Variants in TMX4 observed in about 807,000 individuals in gnomAD.
TMX4 encodes the protein thioredoxin related transmembrane protein 4.
A neutral mutation model predicts 33.3 loss-of-function variants in TMX4; 23 were observed. That is an observed-to-expected ratio of 0.69 (90% CI 0.50 to 0.98). The LOEUF is 0.98. Ranked by LOEUF, TMX4 falls within the 50% of genes least tolerant of loss-of-function variation. The probability of loss-of-function intolerance (pLI) is 0.00; values close to 1 mark genes in which losing one functional copy is unlikely to be tolerated. For synonymous variants in TMX4, 164 were observed against 161.5 expected (o/e 1.02, Z -0.12); for missense variants, 399 against 448.9 (o/e 0.89, Z 1.01).
intron 1 of TMX4, among the ~76,000 whole-genome samples, chr20:8,010,633 G>A (rs989999672): frequency 6.6e-6 from 1 of 151,992 alleles, no homozygotes; most frequent in Non-Finnish European, 1.5e-5. Context: ...ATCTTTGAGG[G>A]TAAGAGCTCT....
intron 6 of TMX4, among the ~76,000 whole-genome samples, chr20:7,984,971 G>T (rs1020307444): frequency 6.6e-6 from 1 of 152,016 alleles, no homozygotes; most frequent in African/African-American, 2.4e-5. Context: ...ACCCTGGCAT[G>T]CTACGTAAAT....
chr20:7,990,328 A>C (rs565098816), intron 5 of TMX4, among the ~76,000 whole-genome samples: 1 of 152,160 alleles, frequency 6.6e-6, no homozygotes, highest in South Asian at 2.1e-4. Flanking sequence ...GTTCACTGAA[A>C]ATGCACTAAA....
intron 4 of TMX4, among the ~76,000 whole-genome samples, chr20:7,997,253 T>C (rs2050680284): frequency 1.3e-5 from 2 of 152,148 alleles, no homozygotes; most frequent in Admixed American, 1.3e-4. Context: ...TCTGTAGGTT[T>C]TTTTGTGTTC....
chr20:7,998,811 T>C (rs2050688637), intron 4 of TMX4, among the ~76,000 whole-genome samples: 1 of 152,178 alleles, frequency 6.6e-6, no homozygotes, highest in African/African-American at 2.4e-5. Context: ...TTCAGAGAAA[T>C]GTCTCCTACT....
chr20:7,987,875 T>C (rs187632757), intron 5 of TMX4, among the ~76,000 whole-genome samples: 18 of 152,332 alleles, frequency 1.2e-4, no homozygotes, highest in African/African-American at 4.1e-4. Context: ...TTTCAAAGTT[T>C]GGTAAATTAC....
At chr20:8,018,485 A>AGG (rs2050792252) in intron 1 of TMX4, among the ~76,000 whole-genome samples, 2 of 19,404 alleles carry the variant, frequency 1.0e-4, no homozygotes, top group African/African-American at 1.7e-3. Flanking sequence ...GGAGGGGGAG[A>AGG]GAGAGAGAGA....
chr20:7,989,696 T>C (rs1179078673), intron 5 of TMX4, among the ~76,000 whole-genome samples: 2 of 152,244 alleles, frequency 1.3e-5, no homozygotes, highest in African/African-American at 4.8e-5. Flanking sequence ...TGTCTGAGTC[T>C]ACAACAGCTT....
chr20:8,017,670 T>C (rs2122887751), intron 1 of TMX4, among the ~76,000 whole-genome samples: 1 of 152,338 alleles, frequency 6.6e-6, no homozygotes, highest in Non-Finnish European at 1.5e-5. Context: ...CCCTGAAAGA[T>C]GACATCTAGG....
intron 4 of TMX4, among the ~76,000 whole-genome samples, chr20:7,999,214 C>T (rs755533489): frequency 8.5e-5 from 13 of 152,084 alleles, no homozygotes; most frequent in Non-Finnish European, 1.8e-4. Context: ...GTGGAAAAAG[C>T]TGTTATGGTT....
chr20:8,017,148 A>G (rs2050779096), intron 1 of TMX4, among the ~76,000 whole-genome samples: 1 of 152,190 alleles, frequency 6.6e-6, no homozygotes, highest in African/African-American at 2.4e-5. Flanking sequence ...TAATACAGAA[A>G]AAAATAGATC....
chr20:7,982,211 T>A lies in TMX4; in HGVS notation c.*40A>T, dbSNP rs569854399. 1 of 1,573,506 alleles carries A rather than the reference T, an allele frequency of 6.4e-7. No homozygotes were observed. The highest frequency in any genetic ancestry group is 1.1e-5 in the South Asian group (1 of 87,296). ...ACTGCAGGCCAAAGGGAAGCTGACA[T>A]ATTGTTTTGGTGTGTATTCTTGAAA... On this transcript the variant is annotated 3_prime_UTR_variant, in exon 8 of 8. Transcript: ENST00000246024.
At chr20:7,983,552 T>G (rs1043327060) in intron 7 of TMX4, among the ~76,000 whole-genome samples, 3 of 152,150 alleles carry the variant, frequency 2.0e-5, no homozygotes, top group Non-Finnish European at 4.4e-5. Context: ...ATGACACTGA[T>G]TAATGAAGAG....
chr20:8,001,522 A>G lies in TMX4; in HGVS notation c.312T>C (p.Phe104=). 1 of 1,600,730 alleles carries G rather than the reference A, an allele frequency of 6.2e-7. No individual in the cohort carries two copies. Among genetic ancestry groups the G allele is most frequent in the African/African-American group, 1.3e-5 (1 of 74,700 alleles). Residue 104 remains phenylalanine, a synonymous_variant, in exon 3 of 8, where the codon TTT becomes TTC. Coordinates refer to ENST00000246024, the MANE Select transcript of TMX4 (RefSeq NM_021156.4). ...IQEPGLSGRF[F]VTTLPAFFHA... ...GAAAAAATGCTGGGAGAGTGGTGAC[A>G]AAGAAGCGGCCACTCAAACCTACAA...
chr20:7,990,526 T>C (rs945053629), intron 5 of TMX4, among the ~76,000 whole-genome samples: 1 of 152,176 alleles, frequency 6.6e-6, no homozygotes, highest in Non-Finnish European at 1.5e-5. Flanking sequence ...AAGGCCTCCA[T>C]GCATCTGAGG....
intron 2 of TMX4, among the ~76,000 whole-genome samples, chr20:8,006,833 A>T (rs1220943684): frequency 6.7e-6 from 1 of 149,828 alleles, no homozygotes; most frequent in Admixed American, 6.7e-5. Flanking sequence ...ATCTCGGCTC[A>T]CTGCAACCTC....
At chr20:7,986,232 T>C (rs1038970752) in intron 6 of TMX4, among the ~76,000 whole-genome samples, 1 of 152,172 alleles carries the variant, frequency 6.6e-6, no homozygotes, top group Non-Finnish European at 1.5e-5. Context: ...GAAGGACATA[T>C]ACAGATATCT....
chr20:7,999,440 C>A (rs2050692965), intron 4 of TMX4, among the ~76,000 whole-genome samples: 2 of 152,142 alleles, frequency 1.3e-5, no homozygotes, highest in Non-Finnish European at 2.9e-5. Context: ...ATGTTCAATA[C>A]CATATTTTGT....
At chr20:8,015,975 C>G (rs2050773345) in intron 1 of TMX4, among the ~76,000 whole-genome samples, 1 of 152,174 alleles carries the variant, frequency 6.6e-6, no homozygotes, top group African/African-American at 2.4e-5. Context: ...ACTTGGCTAT[C>G]TATTTCTTCT....
chr20:8,001,546 A>G lies in TMX4; in HGVS notation c.293-5T>C. 1 of 1,597,616 alleles carries G rather than the reference A, an allele frequency of 6.3e-7. No homozygotes were observed. Among genetic ancestry groups the G allele is most frequent in the Non-Finnish European group, 8.5e-7 (1 of 1,169,900 alleles). On this transcript the variant is annotated splice_polypyrimidine_tract_variant and splice_region_variant and intron_variant, in intron 2 of 7. Coordinates refer to ENST00000246024, the MANE Select transcript of TMX4 (RefSeq NM_021156.4). ...CAAAGAAGCGGCCACTCAAACCTAC[A>G]AGAAGCATAAACAGAACAAAAGTTA... is the stretch of plus-strand genomic sequence containing the variant.
Sources: gnomAD v4.1 joint callset for allele counts (sites outside exome capture counted in the v4.1 genomes callset) on GRCh38, gnomAD v4.1.1 for gene constraint, MANE v1.5 for transcripts, NCBI Gene and HGNC (gene_info 2026-07-23, HGNC 2026-07-21) for gene names.